Variants in LPCAT1 observed in about 807,000 individuals in gnomAD.
LPCAT1 encodes the protein 1-acylglycerol-3-phosphate O-acyltransferase.
A neutral mutation model predicts 60.9 loss-of-function variants in LPCAT1; 23 were observed. The ratio of observed to expected loss-of-function variants is 0.38; its 90% CI spans 0.27 to 0.53. LPCAT1 has a LOEUF of 0.53. LPCAT1 is among the 20% of genes least tolerant of loss of function. LPCAT1 has a pLI of 0.82. For synonymous variants in LPCAT1, 340 were observed against 301.1 expected (o/e 1.13, Z -1.34); for missense variants, 622 against 723.6 (o/e 0.86, Z 1.61).
chr5:1,470,774 G>C, intron 12 of LPCAT1, 52 bp downstream of exon 12: 7 of 1,380,600 alleles, frequency 5.1e-6, no homozygotes, highest in Non-Finnish European at 7.1e-6. Flanking sequence ...TGGTGCTGAC[G>C]TGACTGCACC....
intron 1 of LPCAT1, among the ~76,000 whole-genome samples, chr5:1,508,776 T>C (rs907850303): frequency 2.0e-5 from 3 of 152,168 alleles, no homozygotes; most frequent in Admixed American, 6.5e-5. Context: ...TCTCTGGAAG[T>C]CTCTGAGTGA....
chr5:1,474,811 G>T, intron 9 of LPCAT1, 126 bp from the exon 10 acceptor site: 1 of 1,276,968 alleles, frequency 7.8e-7, no homozygotes, highest in Non-Finnish European at 1.1e-6. Context: ...ACAGGGGAAG[G>T]GCCAGTTGGT....
chr5:1,517,220 C>A (rs1579818019), intron 1 of LPCAT1, among the ~76,000 whole-genome samples: 1 of 152,064 alleles, frequency 6.6e-6, no homozygotes, highest in Non-Finnish European at 1.5e-5. Context: ...AGGGGACGGT[C>A]GCGGCTCCTG....
At position 1,502,827 on chromosome 5, in the gene LPCAT1, A is replaced by T. The variant is rs1229926258; in HGVS notation, c.136-1224T>A. 6.6e-6 allele frequency among the ~76,000 whole-genome samples: 1 copy of T among 152,098 alleles called. No homozygotes were observed. Among genetic ancestry groups the T allele is most frequent in the Non-Finnish European group, 1.5e-5 (1 of 68,038 alleles). On this transcript the variant is annotated intron_variant, in intron 1 of 13. Coordinates refer to ENST00000283415, the MANE Select transcript of LPCAT1 (RefSeq NM_024830.5). This position sits in a 1 kb window ranked among gnomAD's most constrained non-coding sequence, Gnocchi z 5.5. Reference sequence around the variant, plus strand: ...CTTGGTTTGTCCCTAGATTCTTTTGAGTTCTCAACGGAGACCAGCATAGCC... The same window carrying T: ...CTTGGTTTGTCCCTAGATTCTTTTGTGTTCTCAACGGAGACCAGCATAGCC...
At chr5:1,475,955 G>A (rs1734897989) in intron 9 of LPCAT1, among the ~76,000 whole-genome samples, 1 of 152,338 alleles carries the variant, frequency 6.6e-6, no homozygotes, top group East Asian at 1.9e-4. Context: ...GGGTTTTGCT[G>A]ACGGTGGCAG....
At chr5:1,518,774 G>A (rs10474708) in intron 1 of LPCAT1, among the ~76,000 whole-genome samples, 8,609 of 152,326 alleles carry the variant, frequency 0.057, 795 homozygotes, top group African/African-American at 0.2. Context: ...TGCCAATGAC[G>A]ATAGGGGGCC....
intron 1 of LPCAT1, among the ~76,000 whole-genome samples, chr5:1,519,257 T>C (rs911516615): frequency 6.6e-6 from 1 of 152,232 alleles, no homozygotes; most frequent in African/African-American, 2.4e-5. Context: ...GTGGGTATGC[T>C]TATGTGGATG....
intron 3 of LPCAT1, among the ~76,000 whole-genome samples, chr5:1,491,225 G>T (rs1735566663): frequency 6.6e-6 from 1 of 152,180 alleles, no homozygotes; most frequent in African/African-American, 2.4e-5. Flanking sequence ...ATATCGGAAG[G>T]GAAGAATGGC....
intron 1 of LPCAT1, among the ~76,000 whole-genome samples, chr5:1,513,579 C>T (rs967146147): frequency 2.0e-5 from 3 of 152,234 alleles, no homozygotes; most frequent in East Asian, 3.8e-4. Context: ...TTGGAGGCTG[C>T]GGGGACTCGG....
rs758642590 is a variant in LPCAT1, at chr5:1,501,598, G to A, written c.141C>T (p.Ala47=). 1.9e-6 allele frequency: 3 copies of A among 1,613,890 alleles called. No individual in the cohort carries two copies. Among genetic ancestry groups the A allele is most frequent in the Non-Finnish European group, 2.5e-6 (3 of 1,179,900 alleles). The change falls in exon 2 of 14, where the codon GCC becomes GCT. Residue 47 remains alanine, a synonymous_variant. Transcript: ENST00000283415. Reference sequence around the variant, plus strand: ...CCGGGAAGAGCGTCAGTGTCATGAGGGCCACCTGCAGACAGAGGGGGGCAT... The same window carrying A: ...CCGGGAAGAGCGTCAGTGTCATGAGAGCCACCTGCAGACAGAGGGGGGCAT... The part of the protein sequence containing the change: ...RLSALQKAQV[A]LMTLTLFPVR...
chr5:1,486,553 G>A (rs1209130459), intron 5 of LPCAT1, among the ~76,000 whole-genome samples: 3 of 152,094 alleles, frequency 2.0e-5, no homozygotes, highest in African/African-American at 4.8e-5. Context: ...TGGGTGGGCC[G>A]CCATGGAGCT....
intron 5 of LPCAT1, among the ~76,000 whole-genome samples, chr5:1,486,639 G>A (rs189721057): frequency 3.8e-4 from 58 of 152,252 alleles, no homozygotes; most frequent in African/African-American, 1.3e-3. Context: ...AGACGCTCAC[G>A]GCTCTGGAGG....
intron 2 of LPCAT1, among the ~76,000 whole-genome samples, chr5:1,498,479 C>A (rs566977308): frequency 1.3e-5 from 2 of 152,308 alleles, no homozygotes; most frequent in African/African-American, 4.8e-5. Context: ...TACTCCCACA[C>A]ATGCACACAT....
rs755376822 is a variant in LPCAT1 at position 1,496,417 on chromosome 5, CA to C, written c.279-1504del. 0.026 allele frequency among the ~76,000 whole-genome samples: 3,155 copies of C among 121,924 alleles called. 84 individuals carry two copies. Among genetic ancestry groups the C allele is most frequent in the African/African-American group, 0.076 (2,555 of 33,830 alleles). The allele number at this position is 121,924 out of a possible 152,430, so 80.0% of individuals were successfully genotyped here. On this transcript the variant is annotated intron_variant, in intron 2 of 13. Transcript: ENST00000283415. The surrounding 1 kb of genome is among the most constrained non-coding windows in gnomAD (Gnocchi z 4.7). ...TCTTCTGTGCACATGTTATTTTCCA[CA>C]AAAAAAAAAAAAAAGTACAAAAACA... is the stretch of plus-strand genomic sequence containing the variant.
intron 11 of LPCAT1, 27 bp downstream of exon 11, chr5:1,473,930 C>T (rs1199039246): frequency 1.6e-5 from 25 of 1,599,506 alleles, no homozygotes; most frequent in Non-Finnish European, 2.1e-5. Context: ...TTTGCCGACA[C>T]CCCGCTCCGC....
intron 5 of LPCAT1, among the ~76,000 whole-genome samples, chr5:1,486,210 C>A (rs1018485053): frequency 1.3e-5 from 2 of 152,206 alleles, no homozygotes; most frequent in African/African-American, 4.8e-5. Flanking sequence ...AGGGTCCCAG[C>A]CCTGCTGGAA....
chr5:1,479,442 A>G (rs777820713), intron 8 of LPCAT1, 179 bp downstream of exon 8: 1 of 612,000 alleles, frequency 1.6e-6, no homozygotes, highest in Non-Finnish European at 2.9e-6. Context: ...AGAGAGACAT[A>G]AAGTCATTGA....
chr5:1,510,597 G>C (rs1266767341), intron 1 of LPCAT1, among the ~76,000 whole-genome samples: 2 of 152,218 alleles, frequency 1.3e-5, no homozygotes, highest in African/African-American at 4.8e-5. Flanking sequence ...AAGCCAGTCT[G>C]GTCTTGGCCA....
chr5:1,494,418 G>C (rs1050837906), intron 3 of LPCAT1, among the ~76,000 whole-genome samples: 7 of 151,308 alleles, frequency 4.6e-5, no homozygotes, highest in Non-Finnish European at 5.9e-5. Flanking sequence ...GCGTGGTGGG[G>C]GGGGGGTCCC....
Sources: allele counts gnomAD v4.1 joint callset (sites outside exome capture counted in the v4.1 genomes callset), GRCh38; gene constraint gnomAD v4.1.1; non-coding constraint Gnocchi (gnomAD v3.1); transcripts MANE v1.5; gene names NCBI Gene and HGNC (gene_info 2026-07-23, HGNC 2026-07-21).